The following PIGS variants were observed in gnomAD, a reference collection of about 807,000 sequenced individuals.
The protein encoded by PIGS is phosphatidylinositol glycan anchor biosynthesis class S, also known as GPI-anchor transamidase component PIGS.
Under a neutral mutation model 58.2 loss-of-function variants are expected in PIGS, and 37 were observed. The ratio of observed to expected loss-of-function variants is 0.64; its 90% CI spans 0.49 to 0.84. PIGS has a LOEUF of 0.84. Among genes scored for constraint, PIGS ranks in the 40% least tolerant of loss-of-function variants. PIGS has a pLI of 0.00. For missense variants in PIGS, 629 were observed against 710.8 expected (o/e 0.88, Z 1.31); for synonymous variants, 269 against 289.2 (o/e 0.93, Z 0.71).
At chr17:28,559,814 A>C (rs2070352314) in intron 7 of PIGS, among the ~76,000 whole-genome samples, 1 of 152,016 alleles carries the variant, frequency 6.6e-6, no homozygotes, top group Non-Finnish European at 1.5e-5. Flanking sequence ...GCACTGACAA[A>C]CTCTCTCAAT....
chr17:28,561,368 T>A (rs2070363234), intron 6 of PIGS, 54 bp downstream of exon 6: 2 of 1,582,392 alleles, frequency 1.3e-6, no homozygotes, highest in African/African-American at 1.3e-5. Flanking sequence ...ATTTCCCTCC[T>A]GCCCCATGTA....
chr17:28,557,202 C>A, intron 8 of PIGS: 1 of 517,372 alleles, frequency 1.9e-6, no homozygotes, highest in Non-Finnish European at 3.4e-6. Flanking sequence ...CCCGAATTCT[C>A]CCTCCTCAAA....
intron 6 of PIGS, 62 bp from the exon 7 acceptor site, chr17:28,560,253 G>A (rs67590677): frequency 0.093 from 144,112 of 1,544,754 alleles, 7,262 homozygotes; most frequent in East Asian, 0.16. Context: ...GGGGCAGCCT[G>A]TACTCCCAGC....
chr17:28,571,366 C>A, intron 1 of PIGS, 97 bp downstream of exon 1: 3 of 1,550,214 alleles, frequency 1.9e-6, no homozygotes, highest in Non-Finnish European at 8.7e-7. Flanking sequence ...CCCGAGCCCC[C>A]CGTCCGCGGG....
intron 10 of PIGS, 95 bp downstream of exon 10, chr17:28,556,071 A>C: frequency 2.5e-6 from 3 of 1,200,828 alleles, no homozygotes; most frequent in Non-Finnish European, 3.7e-6. Flanking sequence ...AGGCACAGCC[A>C]AGATATCCCT....
intron 3 of PIGS, among the ~76,000 whole-genome samples, chr17:28,565,732 T>C (rs752595102): frequency 1.5e-3 from 225 of 152,158 alleles, no homozygotes; most frequent in Middle Eastern, 0.014. Context: ...CTACAAAAAA[T>C]TTAAAAACTA....
Position 28,556,149 on chromosome 17 carries a change from A to C in PIGS, c.1181+17T>G. ...CCAAGGAGACTATGTCCCCAAGTGGATCATCCAGGACCTCACCGCAACTGT... is the reference window on the plus strand; with the variant it reads ...CCAAGGAGACTATGTCCCCAAGTGGCTCATCCAGGACCTCACCGCAACTGT... On this transcript the variant is annotated intron_variant, in intron 10 of 11. Transcript: ENST00000308360. 2 of 1,596,052 alleles carry C rather than the reference A, an allele frequency of 1.3e-6. No homozygotes were observed. The highest frequency in any genetic ancestry group is 1.7e-6 in the Non-Finnish European group (2 of 1,163,630).
intron 5 of PIGS, 88 bp downstream of exon 5, chr17:28,563,343 A>G (rs1273545175): frequency 8.7e-7 from 1 of 1,145,374 alleles, no homozygotes; most frequent in Non-Finnish European, 1.3e-6. Flanking sequence ...AATGGAAGAA[A>G]TGGGTAGCAA....
At chr17:28,568,315 C>A (rs1330870209) in intron 3 of PIGS, among the ~76,000 whole-genome samples, 1 of 152,094 alleles carries the variant, frequency 6.6e-6, no homozygotes, top group Non-Finnish European at 1.5e-5. Flanking sequence ...GTTAGCCGGG[C>A]TGGTCTCAAA....
In PIGS at chr17:28,554,015, TGGA is replaced by T. The variant is rs1386110670; in HGVS notation, c.*202_*204del. The T allele has an allele frequency of 8.0e-6, 5 of 627,192 alleles. No individual in the cohort carries two copies. Among genetic ancestry groups the T allele is most frequent in the East Asian group, 5.8e-5 (2 of 34,624 alleles). 38.9% of individuals were successfully genotyped at this position (627,192 alleles called of 1,614,324 possible). ...ATGTGCCTTTTGAGGCCCCTGGTGG[TGGA>T]GGAGGATTGAGCCAGGTGAATGGGA... On this transcript the variant is annotated 3_prime_UTR_variant, in exon 12 of 12. Coordinates refer to ENST00000308360, the MANE Select transcript of PIGS (RefSeq NM_033198.4).
At chr17:28,560,405 A>G (rs979827308) in intron 6 of PIGS, 3 of 516,954 alleles carry the variant, frequency 5.8e-6, no homozygotes, top group Admixed American at 3.8e-5. Context: ...GCACTTTGGG[A>G]GACTGAGGCA....
Position 28,561,837 on chromosome 17 carries a change from A to G in PIGS, c.469-208T>C, listed in dbSNP as rs1332558454. The G allele has an allele frequency of 1.8e-5, 10 of 551,740 alleles. No homozygotes were observed. In the African/African-American group the frequency reaches 1.9e-4, roughly 11 times the overall value. 34.2% of individuals were successfully genotyped at this position (551,740 alleles called of 1,614,324 possible). ...TTGTCTCCGTTCTCTTCTTTTTCCC[A>G]GTTGACATGGGTCCAGGCAGCATCT... On this transcript the variant is annotated intron_variant, in intron 5 of 11. Coordinates refer to ENST00000308360, the MANE Select transcript of PIGS (RefSeq NM_033198.4).
intron 3 of PIGS, among the ~76,000 whole-genome samples, chr17:28,568,236 G>A (rs1459457934): frequency 6.6e-6 from 1 of 152,024 alleles, no homozygotes; most frequent in African/African-American, 2.4e-5. Context: ...CCAAGTAGCT[G>A]GGATTACAGG....
At chr17:28,557,445 A>G in intron 8 of PIGS, 1 of 178,540 alleles carries the variant, frequency 5.6e-6, no homozygotes, top group South Asian at 1.2e-4. Flanking sequence ...CTCACATTTC[A>G]GCCACACTAA....
intron 8 of PIGS, chr17:28,557,194 C>T (rs2070336282): frequency 1.1e-5 from 6 of 527,364 alleles, no homozygotes; most frequent in Middle Eastern, 4.9e-4. Context: ...AAAACACCCC[C>T]GAATTCTCCC....
chr17:28,555,042 G>T lies in PIGS; in HGVS notation c.1201C>A (p.Gln401Lys). 2 of 1,612,798 alleles carry T rather than the reference G, an allele frequency of 1.2e-6. No individual in the cohort carries two copies. The change falls in exon 11 of 12, where the codon CAG (glutamine) becomes AAG (lysine). Residue 401 changes from glutamine (Q) to lysine (K), a missense_variant. Transcript: ENST00000308360. ...AQLRLLFGIAQPQLPPKCLLS... is the reference protein window; with the variant it reads ...AQLRLLFGIAKPQLPPKCLLS... Reference sequence around the variant, plus strand: ...AGGCATTTTGGAGGCAGCTGGGGCTGAGCAATCCCAAAGAGCAACCTGTAG... The same window carrying T: ...AGGCATTTTGGAGGCAGCTGGGGCTTAGCAATCCCAAAGAGCAACCTGTAG...
chr17:28,562,665 C>T (rs2070370670), intron 5 of PIGS, among the ~76,000 whole-genome samples: 1 of 151,780 alleles, frequency 6.6e-6, no homozygotes, highest in African/African-American at 2.4e-5. Flanking sequence ...AACTCCTGAC[C>T]TCAAGTGATC....
At chr17:28,559,929 T>A (rs1292584439) in intron 7 of PIGS, 120 bp downstream of exon 7, 7 of 1,306,124 alleles carry the variant, frequency 5.4e-6, no homozygotes, top group Non-Finnish European at 6.2e-6. Flanking sequence ...GACACTCACA[T>A]ACATATACAC....
Position 28,571,030 on chromosome 17 carries a change from TC to T in PIGS, c.174+18del. 1 of 1,613,940 alleles carries T rather than the reference TC, an allele frequency of 6.2e-7. No homozygotes were observed. ...TGCCGGGGGGGCTGTCCCCCGACCC[TC>T]CCGCACAGCAGTCTCACCTGAAGGG... On this transcript the variant is annotated intron_variant, in intron 2 of 11. Transcript: ENST00000308360.
Sources: gnomAD v4.1 joint callset for allele counts (sites outside exome capture counted in the v4.1 genomes callset) on GRCh38, gnomAD v4.1.1 for gene constraint, MANE v1.5 for transcripts, NCBI Gene and HGNC (gene_info 2026-07-23, HGNC 2026-07-21) for gene names.